DLG2: variants seen among roughly 807,000 people sequenced by gnomAD.
DLG2 encodes disks large homolog 2.
A neutral mutation model predicts 132.5 loss-of-function variants in DLG2; 45 were observed. The ratio of observed to expected loss-of-function variants is 0.34; its 90% confidence interval spans 0.27 to 0.44. The LOEUF (loss-of-function observed/expected upper bound fraction) is 0.44. DLG2 is among the 20% of genes least tolerant of loss of function. The pLI is 1.00. For synonymous variants in DLG2, 424 were observed against 419.6 expected, an observed-to-expected ratio of 1.01 and a Z score of -0.13; for missense variants, 1,045 against 1,196.9, an observed-to-expected ratio of 0.87 and a Z score of 1.87.
chr11:84,553,455 CAAT>C (rs1419736283), intron 6 of DLG2, among the ~76,000 whole-genome samples: 1 of 152,164 alleles, frequency 6.6e-6, no homozygotes, highest in African/African-American at 2.4e-5. Context: ...ATGTTAGAAT[CAAT>C]ACAATATCAA....
chr11:85,580,030 A>G (rs1382512915), intron 3 of DLG2, among the ~76,000 whole-genome samples: 4 of 152,074 alleles, frequency 2.6e-5, no homozygotes, highest in Non-Finnish European at 5.9e-5. Context: ...GGTCTTTCTC[A>G]TGATGTTCTC....
At chr11:84,518,452 C>T (rs563565550) in intron 7 of DLG2, among the ~76,000 whole-genome samples, 32 of 152,068 alleles carry the variant, frequency 2.1e-4, no homozygotes, top group Non-Finnish European at 1.3e-4. Flanking sequence ...TATTTACATC[C>T]AAAATGTTCT....
intron 6 of DLG2, among the ~76,000 whole-genome samples, chr11:85,035,457 G>A (rs115824570): frequency 0.023 from 3,536 of 152,132 alleles, 152 homozygotes; most frequent in African/African-American, 0.081. Flanking sequence ...GGAAAGCAAG[G>A]CACGTCTTAC....
At chr11:85,005,036 T>C (rs986182506) in intron 6 of DLG2, among the ~76,000 whole-genome samples, 13 of 152,310 alleles carry the variant, frequency 8.5e-5, no homozygotes, top group Admixed American at 2.6e-4. Flanking sequence ...CAGATGGTTG[T>C]AGATGTGTGG....
intron 6 of DLG2, among the ~76,000 whole-genome samples, chr11:84,596,169 AT>A (rs1293904676): frequency 6.6e-6 from 1 of 150,882 alleles, no homozygotes. Context: ...CTCTGTTGAA[AT>A]TTCTTTCCTT....
chr11:83,727,156 C>A (rs756983961), intron 18 of DLG2, among the ~76,000 whole-genome samples: 1 of 152,182 alleles, frequency 6.6e-6, no homozygotes, highest in South Asian at 2.1e-4. Flanking sequence ...ATTTTCATAG[C>A]CTCTACATAG....
intron 6 of DLG2, among the ~76,000 whole-genome samples, chr11:84,718,985 T>A (rs2153791993): frequency 6.6e-6 from 1 of 152,320 alleles, no homozygotes; most frequent in South Asian, 2.1e-4. Context: ...GGCAATAATA[T>A]TATCATTCAA....
Position 84,957,618 on chromosome 11 carries a change from C to G in DLG2, c.357+154043G>C, listed in dbSNP as rs144143189. The stretch of plus-strand genomic sequence containing the variant: ...TGGGTTACTCCCTCCTCTGTACTCT[C>G]GAAGTGTTTTATCCATTTATTACAT... On this transcript the variant is annotated intron_variant, in intron 6 of 27. Coordinates refer to ENST00000376104, the MANE Select transcript of DLG2 (RefSeq NM_001142699.3). Among the ~76,000 whole-genome samples, 5 of 152,256 alleles carry G rather than the reference C, an allele frequency of 3.3e-5. No individual in the cohort carries two copies. The East Asian group carries it at 7.7e-4, about 24-fold the overall frequency.
intron 6 of DLG2, among the ~76,000 whole-genome samples, chr11:84,872,596 A>G (rs925758441): frequency 1.3e-5 from 2 of 152,206 alleles, no homozygotes; most frequent in African/African-American, 4.8e-5. Flanking sequence ...CACAAAAGAG[A>G]TAACATTTAG....
rs978660310 is a variant in DLG2 at position 85,537,119 on chromosome 11, T to G, written c.40+61538A>C. 4.6e-5 allele frequency among the ~76,000 whole-genome samples: 7 copies of G among 152,162 alleles called. No individual in the cohort carries two copies. The East Asian group carries it at 1.3e-3, about 29-fold the overall frequency. ...TTGCGTCTAGCTAAGGGATTGTAAATGCACCAATCAGAACTCTGTGTCTAG... is the reference window on the plus strand; with the variant it reads ...TTGCGTCTAGCTAAGGGATTGTAAAGGCACCAATCAGAACTCTGTGTCTAG... On this transcript the variant is annotated intron_variant, in intron 3 of 27. Coordinates refer to ENST00000376104, the MANE Select transcript of DLG2 (RefSeq NM_001142699.3).
intron 6 of DLG2, among the ~76,000 whole-genome samples, chr11:84,774,446 C>T (rs2070046501): frequency 6.6e-6 from 1 of 151,940 alleles, no homozygotes; most frequent in Non-Finnish European, 1.5e-5. Context: ...AAAGACTATT[C>T]TAAAATCCAT....
At chr11:84,417,428 TGTACTAAA>T (rs965588436) in intron 7 of DLG2, among the ~76,000 whole-genome samples, 28 of 152,282 alleles carry the variant, frequency 1.8e-4, no homozygotes, top group African/African-American at 6.5e-4. Flanking sequence ...CTTTTCTCCT[TGTACTAAA>T]GTCCATCTCT....
chr11:85,430,848 CAA>C (rs34643624), intron 3 of DLG2, among the ~76,000 whole-genome samples: 179 of 131,032 alleles, frequency 1.4e-3, no homozygotes, highest in African/African-American at 4.5e-3. Context: ...GCTAGCCAGT[CAA>C]AAAAAAAAAA....
intron 6 of DLG2, among the ~76,000 whole-genome samples, chr11:85,001,979 T>TA (rs1186346903): frequency 2.0e-5 from 3 of 152,166 alleles, no homozygotes; most frequent in African/African-American, 7.2e-5. Flanking sequence ...TAAATTCTCT[T>TA]AAAAAATGCT....
At chr11:84,988,770 T>C (rs1311662589) in intron 6 of DLG2, among the ~76,000 whole-genome samples, 5 of 152,120 alleles carry the variant, frequency 3.3e-5, no homozygotes, top group African/African-American at 1.2e-4. Flanking sequence ...TTGGGTGTAA[T>C]ATATACTTCT....
At chr11:84,360,067 A>G (rs186077470) in intron 7 of DLG2, among the ~76,000 whole-genome samples, 2 of 151,916 alleles carry the variant, frequency 1.3e-5, no homozygotes, top group Non-Finnish European at 2.9e-5. Flanking sequence ...CCCCAAAACT[A>G]TTAATGGGAT....
intron 6 of DLG2, among the ~76,000 whole-genome samples, chr11:84,573,215 A>G (rs976960561): frequency 6.6e-6 from 1 of 152,162 alleles, no homozygotes; most frequent in African/African-American, 2.4e-5. Context: ...TAATTTTAGT[A>G]GCTAAGTAAA....
At chr11:84,284,825 T>G (rs539653189) in intron 7 of DLG2, among the ~76,000 whole-genome samples, 1 of 152,294 alleles carries the variant, frequency 6.6e-6, no homozygotes, top group Non-Finnish European at 1.5e-5. Flanking sequence ...TTCTTGACAC[T>G]TTTCAAGGCC....
intron 6 of DLG2, among the ~76,000 whole-genome samples, chr11:84,650,319 A>G (rs1053384365): frequency 3.3e-5 from 5 of 152,200 alleles, no homozygotes; most frequent in Admixed American, 3.3e-4. Context: ...CTTCCTAATT[A>G]CCAAATGAAA....
Sources: gnomAD v4.1 joint callset for allele counts (sites outside exome capture counted in the v4.1 genomes callset) on GRCh38, gnomAD v4.1.1 for gene constraint, MANE v1.5 for transcripts, NCBI Gene and HGNC (gene_info 2026-07-23, HGNC 2026-07-21) for gene names.